The following PRH1 variants were observed in gnomAD, a reference collection of about 807,000 sequenced individuals.
The protein encoded by PRH1 is proline rich protein HaeIII subfamily 1, also known as salivary acidic proline-rich phosphoprotein 1/2.
In PRH1, 7 loss-of-function variants were observed where a neutral mutation model predicts 7.9. The ratio of observed to expected loss-of-function variants is 0.89; its 90% CI spans 0.50 to 1.67. The LOEUF is 1.67. Among genes scored for constraint, PRH1 ranks in the 40% most tolerant of loss-of-function variants. The probability of loss-of-function intolerance (pLI) is 0.00; values close to 1 mark genes in which losing one functional copy is unlikely to be tolerated. For synonymous variants in PRH1, 45 were observed against 80.8 expected (o/e 0.56, Z 2.38); for missense variants, 109 against 223.6 (o/e 0.49, Z 3.27).
At chr12:10,886,302 G>A (rs1177598213), upstream of PRH1, among the ~76,000 whole-genome samples, 1 of 152,214 alleles carries the variant, frequency 6.6e-6, no homozygotes, top group Admixed American at 6.5e-5. Flanking sequence ...GTGCCAGGCA[G>A]ATATTGCCTG....
At chr12:11,056,552 C>T (rs1445576940) in intron 1 of PRH1, among the ~76,000 whole-genome samples, 1 of 152,072 alleles carries the variant, frequency 6.6e-6, no homozygotes, top group South Asian at 2.1e-4. Flanking sequence ...GATGATTGGC[C>T]AGGCCCGTGG....
chr12:11,115,115 A>AAAAC (rs751759739), intron 1 of PRH1, among the ~76,000 whole-genome samples: 1 of 152,136 alleles, frequency 6.6e-6, no homozygotes, highest in African/African-American at 2.4e-5. Context: ...GCTAAATGGA[A>AAAAC]AAACAAACAA....
At chr12:10,997,545 C>G in intron 1 of PRH1, 1 of 1,613,992 alleles carries the variant, frequency 6.2e-7, no homozygotes, top group Non-Finnish European at 8.5e-7. Flanking sequence ...GAGAAATTGA[C>G]GATCTTGAGC....
chr12:11,091,824 G>A, intron 1 of PRH1: 2 of 1,503,978 alleles, frequency 1.3e-6, no homozygotes, highest in Non-Finnish European at 1.8e-6. Context: ...AATAGCAAAG[G>A]CCCCAACAAC....
At chr12:10,950,443 C>T (rs1385487224) in intron 2 of PRH1, among the ~76,000 whole-genome samples, 1 of 151,826 alleles carries the variant, frequency 6.6e-6, no homozygotes, top group Non-Finnish European at 1.5e-5. Context: ...TAACATTTTA[C>T]AATTTAAATT....
intron 1 of PRH1, among the ~76,000 whole-genome samples, chr12:11,019,765 C>A (rs1329868120): frequency 1.3e-5 from 2 of 152,278 alleles, no homozygotes; most frequent in African/African-American, 4.8e-5. Flanking sequence ...TCTTTTGTAT[C>A]AGCAAAGCAT....
At chr12:11,039,832 C>CACAT (rs1455917232) in intron 1 of PRH1, among the ~76,000 whole-genome samples, 1 of 152,200 alleles carries the variant, frequency 6.6e-6, no homozygotes, top group Non-Finnish European at 1.5e-5. Context: ...CAAACATACA[C>CACAT]ACATACATAC....
intron 1 of PRH1, chr12:11,077,664 T>A (rs1245377668): frequency 8.2e-7 from 1 of 1,218,260 alleles, no homozygotes; most frequent in Non-Finnish European, 1.2e-6. Context: ...GCAGAAAACA[T>A]ATTAGGGTCA....
intron 1 of PRH1, among the ~76,000 whole-genome samples, chr12:11,151,809 T>C (rs1947096528): frequency 6.6e-6 from 1 of 152,140 alleles, no homozygotes; most frequent in South Asian, 2.1e-4. Context: ...ATTTAAAGAG[T>C]GTGTTCACAA....
intron 1 of PRH1, among the ~76,000 whole-genome samples, chr12:11,146,658 C>T (rs898308508): frequency 1.3e-5 from 2 of 152,052 alleles, no homozygotes; most frequent in African/African-American, 4.8e-5. Context: ...CTCACCTACC[C>T]TGAATTTATA....
At chr12:10,943,973 C>G (rs539196416) in intron 2 of PRH1, among the ~76,000 whole-genome samples, 1 of 152,228 alleles carries the variant, frequency 6.6e-6, no homozygotes, top group African/African-American at 2.4e-5. Context: ...GTCACTGTAG[C>G]TCTGTAACAT....
Position 11,108,568 on chromosome 12 carries a change from G to A in PRH1, n.124-61380C>T, listed in dbSNP as rs2597956. Reference sequence around the variant, plus strand: ...CCTCACCCGGGAAGTGCAAGGGGTCGGGGAACTCCCTCTCCTAGCCAAGGG... The same window carrying A: ...CCTCACCCGGGAAGTGCAAGGGGTCAGGGAACTCCCTCTCCTAGCCAAGGG... On this transcript the variant is annotated intron_variant and non_coding_transcript_variant, in intron 1 of 4. Coordinates refer to the PRH1 transcript ENST00000541977. Among the ~76,000 whole-genome samples the A allele has an allele frequency of 4.4e-3, 663 of 152,248 alleles. 5 individuals are homozygous for A. The highest frequency in any genetic ancestry group is 0.015 in the African/African-American group (633 of 41,554).
intron 1 of PRH1, among the ~76,000 whole-genome samples, chr12:11,006,907 T>C (rs1249810982): frequency 6.6e-6 from 1 of 152,128 alleles, no homozygotes; most frequent in Non-Finnish European, 1.5e-5. Flanking sequence ...GCTGAAATTT[T>C]TAAAACTGAT....
At chr12:11,108,815 C>A (rs1274922656) in intron 1 of PRH1, among the ~76,000 whole-genome samples, 2 of 152,140 alleles carry the variant, frequency 1.3e-5, no homozygotes, top group Non-Finnish European at 2.9e-5. Context: ...GCCAGCAAGA[C>A]AGAACCATTC....
At chr12:11,145,507 A>G (rs1315872406) in intron 1 of PRH1, among the ~76,000 whole-genome samples, 1 of 152,180 alleles carries the variant, frequency 6.6e-6, no homozygotes, top group African/African-American at 2.4e-5. Context: ...TGTTCTAAAA[A>G]ATGAAATTGT....
chr12:11,168,980 C>A (rs1010634227), intron 1 of PRH1, among the ~76,000 whole-genome samples: 1 of 152,144 alleles, frequency 6.6e-6, no homozygotes, highest in South Asian at 2.1e-4. Flanking sequence ...CAAAAGGAAA[C>A]GTACTTTTTT....
intron 1 of PRH1, among the ~76,000 whole-genome samples, chr12:11,146,758 C>T (rs572416226): frequency 1.3e-5 from 2 of 152,270 alleles, no homozygotes; most frequent in African/African-American, 4.8e-5. Flanking sequence ...ACAAGTTACA[C>T]ACTGATTTTC....
chr12:11,041,588 C>T (rs1031635492), intron 1 of PRH1, among the ~76,000 whole-genome samples: 5 of 152,148 alleles, frequency 3.3e-5, no homozygotes, highest in African/African-American at 1.2e-4. Context: ...AGAAAATCAA[C>T]AAAGAAACAT....
intron 1 of PRH1, among the ~76,000 whole-genome samples, chr12:10,990,101 G>A (rs1161124755): frequency 6.6e-6 from 1 of 152,136 alleles, no homozygotes; most frequent in African/African-American, 2.4e-5. Flanking sequence ...AACCAAAACA[G>A]CATGGTACTG....
Sources: gnomAD v4.1 joint callset for allele counts (sites outside exome capture counted in the v4.1 genomes callset) on GRCh38, gnomAD v4.1.1 for gene constraint, MANE v1.5 for transcripts, NCBI Gene and HGNC (gene_info 2026-07-23, HGNC 2026-07-21) for gene names.